MMP26: variants seen among roughly 807,000 people sequenced by gnomAD.
MMP26 encodes the protein matrix metallopeptidase 26, also known as matrix metalloproteinase-26.
In MMP26, 33 loss-of-function variants were observed where a neutral mutation model predicts 31.0. That is an observed-to-expected ratio of 1.06 (90% confidence interval 0.81 to 1.42). The LOEUF (loss-of-function observed/expected upper bound fraction) is 1.42, where lower values mean the gene tolerates loss of function less well. Among genes scored for constraint, MMP26 ranks in the 40% most tolerant of loss-of-function variants. The probability of loss-of-function intolerance (pLI) is 0.00; values close to 1 mark genes in which losing one functional copy is unlikely to be tolerated. For missense variants in MMP26, 347 were observed against 316.1 expected, an observed-to-expected ratio of 1.10 and a Z score of -0.74; for synonymous variants, 122 against 114.9, an observed-to-expected ratio of 1.06 and a Z score of -0.40.
At chr11:4,852,971 G>A (rs1387654616) in intron 2 of MMP26, among the ~76,000 whole-genome samples, 3 of 152,088 alleles carry the variant, frequency 2.0e-5, no homozygotes, top group African/African-American at 4.8e-5. Flanking sequence ...AATGCTGCAC[G>A]ACCTCACTTT....
intron 3 of MMP26, among the ~76,000 whole-genome samples, chr11:4,988,990 A>T (rs1449878023): frequency 1.3e-5 from 2 of 152,238 alleles, no homozygotes; most frequent in East Asian, 3.8e-4. Flanking sequence ...TACTCATAAG[A>T]ACTGTGGAAT....
intron 2 of MMP26, chr11:4,877,371 A>G (rs1336384200): frequency 6.6e-6 from 1 of 152,276 alleles, no homozygotes; most frequent in Non-Finnish European, 1.5e-5. Context: ...ATTTGTCACC[A>G]CTAATACACA....
At chr11:4,859,952 C>T (rs1455831207) in intron 2 of MMP26, 7 of 470,890 alleles carry the variant, frequency 1.5e-5, no homozygotes, top group South Asian at 3.1e-5. Context: ...GTGAAGATGA[C>T]GACGATGAGG....
At position 4,903,688 on chromosome 11, in the gene MMP26, A is replaced by G. The variant is rs545383334; in HGVS notation, c.-144-84380A>G. ...TTTCTGTGTAAGCTTGATTACTCTC[A>G]AGGGTCTAGTCACCTGAGGAAAAGA... On this transcript the variant is annotated intron_variant, in intron 2 of 7. Coordinates refer to ENST00000380390, the MANE Select transcript of MMP26 (RefSeq NM_021801.5). The G allele has an allele frequency of 1.8e-4, 27 of 152,224 alleles. 1 individual carries two copies. The South Asian group carries it at 4.6e-3, about 26-fold the overall frequency. 9.4% of individuals were successfully genotyped at this position (152,224 alleles called of 1,614,324 possible). A position where few individuals can be genotyped will look rare whatever the true frequency, so the allele number is the denominator to read the frequency against.
At chr11:4,813,373 CCTTT>C (rs1402454259) in intron 2 of MMP26, among the ~76,000 whole-genome samples, 1 of 151,464 alleles carries the variant, frequency 6.6e-6, no homozygotes, top group Non-Finnish European at 1.5e-5. Flanking sequence ...TTCCTTTTTT[CCTTT>C]CTTTCTATTT....
chr11:4,962,723 G>T (rs1203873053), intron 2 of MMP26, among the ~76,000 whole-genome samples: 4 of 152,142 alleles, frequency 2.6e-5, no homozygotes, highest in Non-Finnish European at 1.5e-5. Flanking sequence ...TCTGGACTTC[G>T]ATCCTGCATT....
chr11:4,882,690 A>G, intron 2 of MMP26: 1 of 1,613,892 alleles, frequency 6.2e-7, no homozygotes, highest in Non-Finnish European at 8.5e-7. Flanking sequence ...TCTTTGGCAC[A>G]CCGCCTCTTC....
intron 2 of MMP26, chr11:4,943,644 T>TC (rs1382921000): frequency 1.1e-5 from 4 of 362,190 alleles, no homozygotes; most frequent in African/African-American, 8.5e-5. Context: ...ACCGAAGATG[T>TC]CCCCAGACAT....
chr11:4,799,310 G>A (rs2133450099), intron 2 of MMP26, among the ~76,000 whole-genome samples: 1 of 152,236 alleles, frequency 6.6e-6, no homozygotes. Flanking sequence ...TGCAATCATG[G>A]TGGAAGGCAA....
At chr11:4,815,378 A>G (rs999102784) in intron 2 of MMP26, among the ~76,000 whole-genome samples, 1 of 152,186 alleles carries the variant, frequency 6.6e-6, no homozygotes, top group Non-Finnish European at 1.5e-5. Context: ...AGGCCCACGA[A>G]GAATTTCCTT....
intron 2 of MMP26, among the ~76,000 whole-genome samples, chr11:4,978,821 C>T (rs61587969): frequency 0.05 from 7,523 of 151,962 alleles, 618 homozygotes; most frequent in African/African-American, 0.17. Flanking sequence ...ATTTTCCCAA[C>T]GCCAGGTCAT....
intron 2 of MMP26, among the ~76,000 whole-genome samples, chr11:4,778,586 A>T (rs1456550579): frequency 6.6e-6 from 1 of 152,038 alleles, no homozygotes; most frequent in East Asian, 1.9e-4. Context: ...CTTTTGCAGC[A>T]GTGCCTAGGC....
intron 2 of MMP26, among the ~76,000 whole-genome samples, chr11:4,851,960 C>T (rs150416010): frequency 1.6e-3 from 244 of 151,952 alleles, no homozygotes; most frequent in African/African-American, 5.6e-3. Flanking sequence ...TCAATAATCA[C>T]AAAGTGAATG....
At chr11:4,722,766 AC>A in intron 1 of MMP26, 1 of 976,944 alleles carries the variant, frequency 1.0e-6, no homozygotes, top group Non-Finnish European at 1.6e-6. Flanking sequence ...GGACTCGGAC[AC>A]CAGCTTCCCT....
chr11:4,923,364 TTACTC>T, intron 2 of MMP26: 1 of 1,524,964 alleles, frequency 6.6e-7, no homozygotes, highest in Non-Finnish European at 8.8e-7. Flanking sequence ...CTTCCTCTCT[TTACTC>T]TAACTTAATC....
chr11:4,815,107 T>C (rs1329088534), intron 2 of MMP26, among the ~76,000 whole-genome samples: 3 of 152,218 alleles, frequency 2.0e-5, no homozygotes, highest in Non-Finnish European at 4.4e-5. Context: ...AGTTGCATTC[T>C]TTTGATCAAC....
At chr11:4,907,311 T>C in intron 2 of MMP26, 8 of 1,190,948 alleles carry the variant, frequency 6.7e-6, no homozygotes, top group Non-Finnish European at 9.7e-6. Flanking sequence ...ACCAAAAGCA[T>C]GACTGCTTTT....
At chr11:4,892,679 C>T (rs945545345) in intron 2 of MMP26, among the ~76,000 whole-genome samples, 2 of 152,120 alleles carry the variant, frequency 1.3e-5, no homozygotes, top group African/African-American at 2.4e-5. Context: ...ACTGAAGCTT[C>T]TTTCCTTCTT....
At chr11:4,831,270 T>C (rs909468380) in intron 2 of MMP26, among the ~76,000 whole-genome samples, 8 of 152,136 alleles carry the variant, frequency 5.3e-5, no homozygotes, top group Admixed American at 3.3e-4. Flanking sequence ...CCACTGGCCA[T>C]CTAAGTCATG....
Sources: gnomAD v4.1 joint callset for allele counts (sites outside exome capture counted in the v4.1 genomes callset) on GRCh38, gnomAD v4.1.1 for gene constraint, MANE v1.5 for transcripts, NCBI Gene and HGNC (gene_info 2026-07-23, HGNC 2026-07-21) for gene names.